NCAM2: variants seen among roughly 807,000 people sequenced by gnomAD.
NCAM2 encodes N-CAM-2.
A neutral mutation model predicts 98.1 loss-of-function variants in NCAM2; 30 were observed. That is an observed-to-expected ratio of 0.31 (90% CI 0.23 to 0.41). The LOEUF (loss-of-function observed/expected upper bound fraction) is 0.41, where lower values mean the gene tolerates loss of function less well. Ranked by LOEUF, NCAM2 falls within the 10% of genes least tolerant of loss-of-function variation. The pLI, the probability that NCAM2 is intolerant of heterozygous loss-of-function variation, is 1.00. For missense variants in NCAM2, 867 were observed against 1,005.8 expected (o/e 0.86, Z 1.87); for synonymous variants, 368 against 342.4 (o/e 1.07, Z -0.83).
chr21:21,275,573 G>A (rs191148530), intron 1 of NCAM2, among the ~76,000 whole-genome samples: 56 of 151,918 alleles, frequency 3.7e-4, no homozygotes, highest in African/African-American at 1.3e-3. Flanking sequence ...TACCTTTCTC[G>A]TAGGTAAACA....
intron 9 of NCAM2, among the ~76,000 whole-genome samples, chr21:21,391,029 T>C (rs1187341336): frequency 6.6e-6 from 1 of 152,156 alleles, no homozygotes; most frequent in Non-Finnish European, 1.5e-5. Context: ...TGTATATTCG[T>C]TTAAAAACCT....
chr21:21,292,033 A>T, intron 4 of NCAM2, 71 bp from the exon 5 acceptor site: 1 of 1,435,198 alleles, frequency 7.0e-7, no homozygotes, highest in Non-Finnish European at 9.4e-7. Context: ...TTTAACTCTT[A>T]ACAATTTAGA....
chr21:21,428,994 T>C (rs909391420), intron 11 of NCAM2, among the ~76,000 whole-genome samples: 1 of 152,188 alleles, frequency 6.6e-6, no homozygotes, highest in African/African-American at 2.4e-5. Context: ...ATCTCTTTCC[T>C]CAAGAAACTT....
chr21:21,497,127 CAT>C (rs1569119680), intron 15 of NCAM2, among the ~76,000 whole-genome samples: 1 of 152,108 alleles, frequency 6.6e-6, no homozygotes, highest in East Asian at 1.9e-4. Context: ...CAAAATATCA[CAT>C]GTTCTCACTT....
intron 1 of NCAM2, among the ~76,000 whole-genome samples, chr21:21,183,805 A>C (rs1245899916): frequency 6.6e-6 from 1 of 152,136 alleles, no homozygotes; most frequent in Non-Finnish European, 1.5e-5. Context: ...CTGACCAAGA[A>C]GACTAAGTGT....
chr21:21,028,307 A>G (rs1197880818), intron 1 of NCAM2, among the ~76,000 whole-genome samples: 1 of 152,218 alleles, frequency 6.6e-6, no homozygotes, highest in Non-Finnish European at 1.5e-5. Context: ...AAGATTCCCA[A>G]TTCCAGTCAT....
chr21:21,291,898 G>GAA (rs10547647), intron 4 of NCAM2, among the ~76,000 whole-genome samples: 64 of 146,058 alleles, frequency 4.4e-4, no homozygotes, highest in Non-Finnish European at 5.8e-4. Context: ...ATTCTTTTAG[G>GAA]AAAAAAAAAA....
At chr21:21,462,032 TTGTTTC>T (rs1473567880) in intron 12 of NCAM2, among the ~76,000 whole-genome samples, 1 of 152,050 alleles carries the variant, frequency 6.6e-6, no homozygotes, top group Non-Finnish European at 1.5e-5. Flanking sequence ...AGACCTGCTT[TTGTTTC>T]TTTTAATTGT....
intron 16 of NCAM2, among the ~76,000 whole-genome samples, chr21:21,532,107 A>G (rs1205719203): frequency 6.6e-6 from 1 of 152,052 alleles, no homozygotes; most frequent in Non-Finnish European, 1.5e-5. Flanking sequence ...TCACTTGATA[A>G]TACTTATGGT....
intron 1 of NCAM2, among the ~76,000 whole-genome samples, chr21:21,272,725 T>C (rs1306001221): frequency 6.6e-6 from 1 of 152,150 alleles, no homozygotes; most frequent in East Asian, 1.9e-4. Context: ...TATAATCTTA[T>C]ACATTTCTCA....
chr21:21,102,974 C>A (rs1445391916), intron 1 of NCAM2, among the ~76,000 whole-genome samples: 1 of 151,944 alleles, frequency 6.6e-6, no homozygotes, highest in Non-Finnish European at 1.5e-5. Flanking sequence ...AGTCCCATCA[C>A]CTAATGCATG....
intron 9 of NCAM2, among the ~76,000 whole-genome samples, chr21:21,392,072 A>G (rs1037376180): frequency 2.0e-5 from 3 of 152,144 alleles, no homozygotes; most frequent in African/African-American, 7.2e-5. Flanking sequence ...AGTACCTATT[A>G]GTTATTTTTC....
intron 15 of NCAM2, among the ~76,000 whole-genome samples, chr21:21,504,611 T>C (rs976389367): frequency 2.6e-5 from 4 of 151,774 alleles, no homozygotes; most frequent in Non-Finnish European, 5.9e-5. Context: ...AGTAAATTGG[T>C]GAGAGAAAAT....
At chr21:21,277,716 G>T (rs1453911998) in intron 1 of NCAM2, among the ~76,000 whole-genome samples, 3 of 152,040 alleles carry the variant, frequency 2.0e-5, no homozygotes, top group Non-Finnish European at 2.9e-5. Flanking sequence ...CAATTTTGAA[G>T]ATCTTTGAGC....
intron 1 of NCAM2, among the ~76,000 whole-genome samples, chr21:21,067,940 C>A (rs565855737): frequency 1.3e-5 from 2 of 151,958 alleles, no homozygotes; most frequent in African/African-American, 4.8e-5. Context: ...ATTAAAAAAA[C>A]TGAATTTCTT....
chr21:21,533,827 T>C (rs947661812), intron 16 of NCAM2, among the ~76,000 whole-genome samples: 15 of 151,964 alleles, frequency 9.9e-5, no homozygotes, highest in Non-Finnish European at 7.4e-5. Flanking sequence ...TTTCATCAAT[T>C]GTGAAAAATT....
At chr21:21,484,552 C>T (rs1156746923) in intron 15 of NCAM2, among the ~76,000 whole-genome samples, 3 of 151,848 alleles carry the variant, frequency 2.0e-5, no homozygotes, top group African/African-American at 2.4e-5. Context: ...GTTTGTCTTG[C>T]GTGTTTTAAT....
chr21:21,478,118 A>G (rs1985398188), intron 15 of NCAM2, among the ~76,000 whole-genome samples: 1 of 152,188 alleles, frequency 6.6e-6, no homozygotes, highest in Non-Finnish European at 1.5e-5. Context: ...CAGGGATGTT[A>G]AAACTTTTAT....
intron 9 of NCAM2, among the ~76,000 whole-genome samples, chr21:21,378,963 G>A (rs566991062): frequency 2.0e-5 from 3 of 151,960 alleles, no homozygotes; most frequent in African/African-American, 4.8e-5. Flanking sequence ...TATACGGTTC[G>A]TGTTTTTTCT....
Sources: gnomAD v4.1 joint callset for allele counts (sites outside exome capture counted in the v4.1 genomes callset) on GRCh38, gnomAD v4.1.1 for gene constraint, MANE v1.5 for transcripts, NCBI Gene and HGNC (gene_info 2026-07-23, HGNC 2026-07-21) for gene names.